The following DCUN1D2 variants were observed in gnomAD, a reference collection of about 807,000 sequenced individuals.
DCUN1D2 encodes the protein DCN1-like protein 2.
In DCUN1D2, 29 loss-of-function variants were observed where a neutral mutation model predicts 30.9. The observed-to-expected ratio is 0.94, with a 90% CI of 0.70 to 1.28. The LOEUF (loss-of-function observed/expected upper bound fraction) is 1.28, where lower values mean the gene tolerates loss of function less well. Among genes scored for constraint, DCUN1D2 ranks in the 50% most tolerant of loss-of-function variants. DCUN1D2 has a pLI of 0.00. For missense variants in DCUN1D2, 325 were observed against 316.9 expected (o/e 1.03, Z -0.19); for synonymous variants, 121 against 115.3 (o/e 1.05, Z -0.32).
At chr13:113,460,773 T>A (rs1595566097) in intron 5 of DCUN1D2, among the ~76,000 whole-genome samples, 1 of 152,132 alleles carries the variant, frequency 6.6e-6, no homozygotes, top group Admixed American at 6.5e-5. Flanking sequence ...GCTGCTGGGG[T>A]TGCAGAGTCT....
At chr13:113,483,555 G>A (rs1040608695) in intron 2 of DCUN1D2, among the ~76,000 whole-genome samples, 3 of 152,202 alleles carry the variant, frequency 2.0e-5, no homozygotes, top group African/African-American at 4.8e-5. Context: ...TCCCTGACAG[G>A]CTGTGCAGCG....
intron 4 of DCUN1D2, chr13:113,462,947 G>T (rs2044342965): frequency 2.7e-6 from 3 of 1,094,358 alleles, no homozygotes; most frequent in Non-Finnish European, 3.4e-6. Flanking sequence ...AGTTACTTTG[G>T]GTTAGTTTTG....
intron 4 of DCUN1D2, among the ~76,000 whole-genome samples, chr13:113,468,082 C>G (rs542518692): frequency 4.0e-5 from 6 of 148,958 alleles, no homozygotes; most frequent in East Asian, 4.0e-4. Context: ...AAAGCAGGGT[C>G]TAAAACAGAT....
At chr13:113,479,808 A>G (rs2044676613) in intron 3 of DCUN1D2, among the ~76,000 whole-genome samples, 1 of 152,206 alleles carries the variant, frequency 6.6e-6, no homozygotes. Context: ...ATAAGCCTTT[A>G]TATTATCAAG....
chr13:113,482,909 C>T (rs2044735300), intron 2 of DCUN1D2, among the ~76,000 whole-genome samples: 1 of 152,174 alleles, frequency 6.6e-6, no homozygotes, highest in Admixed American at 6.5e-5. Context: ...TACCACTGCA[C>T]TCCAGCCTGG....
chr13:113,458,189 A>G (rs2044257184), intron 6 of DCUN1D2, 81 bp from the exon 7 acceptor site: 2 of 1,187,800 alleles, frequency 1.7e-6, no homozygotes, highest in African/African-American at 1.5e-5. Context: ...TCAATCCAAC[A>G]TTTACACTTC....
chr13:113,487,631 T>C (rs1012839899), intron 1 of DCUN1D2, among the ~76,000 whole-genome samples: 3 of 152,170 alleles, frequency 2.0e-5, no homozygotes, highest in African/African-American at 4.8e-5. Context: ...ATTTCACTTA[T>C]ATGAAATATC....
chr13:113,462,852 TA>T (rs1489214844), intron 4 of DCUN1D2: 2 of 1,257,838 alleles, frequency 1.6e-6, no homozygotes, highest in African/African-American at 3.1e-5. Context: ...CAACTCATCT[TA>T]ATGATGTAAA....
At chr13:113,469,460 G>A (rs2044466034) in intron 4 of DCUN1D2, among the ~76,000 whole-genome samples, 1 of 151,710 alleles carries the variant, frequency 6.6e-6, no homozygotes, top group Non-Finnish European at 1.5e-5. Flanking sequence ...TGAGAGGACT[G>A]TGTGAGACCA....
At chr13:113,483,734 A>C in intron 2 of DCUN1D2, 106 bp downstream of exon 2, 1 of 1,117,056 alleles carries the variant, frequency 9.0e-7, no homozygotes, top group Non-Finnish European at 1.3e-6. Flanking sequence ...GAGGAGAAGC[A>C]ACGGCAGCCC....
intron 2 of DCUN1D2, among the ~76,000 whole-genome samples, chr13:113,481,654 C>A (rs537136990): frequency 6.6e-6 from 1 of 152,112 alleles, no homozygotes; most frequent in Non-Finnish European, 1.5e-5. Flanking sequence ...GAGGCCGAGG[C>A]GGGTGGATCA....
At chr13:113,459,960 C>T (rs971284027) in intron 5 of DCUN1D2, among the ~76,000 whole-genome samples, 2 of 152,164 alleles carry the variant, frequency 1.3e-5, no homozygotes, top group Non-Finnish European at 2.9e-5. Context: ...AGTATTCTGC[C>T]GTTACAATGA....
intron 3 of DCUN1D2, chr13:113,476,045 A>AT (rs1389368484): frequency 2.0e-5 from 3 of 152,208 alleles, no homozygotes; most frequent in Non-Finnish European, 4.4e-5. Flanking sequence ...TCCTGTGGGT[A>AT]TGCATGGCTC....
chr13:113,490,293 G>T lies in DCUN1D2; in HGVS notation c.3+374C>A. 1 of 197,978 alleles carries T rather than the reference G, an allele frequency of 5.1e-6. No individual in the cohort carries two copies. The highest frequency in any genetic ancestry group is 1.0e-5 in the Non-Finnish European group (1 of 98,060). 12.3% of individuals were successfully genotyped at this position (197,978 alleles called of 1,614,324 possible). On this transcript the variant is annotated intron_variant, in intron 1 of 6. Transcript: ENST00000478244. The surrounding 1 kb of genome is among the most constrained non-coding windows in gnomAD (Gnocchi z 5.2). The stretch of plus-strand genomic sequence containing the variant: ...AGCCTCAGCATCTGCACAGACGCCC[G>T]CAGGAGCAGCCGAGCCCTCGCCCGC...
rs2044224744 is a variant in DCUN1D2, at chr13:113,456,270, C to T, written c.*1759G>A. 2.0e-5 allele frequency: 8 copies of T among 398,648 alleles called. No homozygotes were observed. Among genetic ancestry groups the T allele is most frequent in the Non-Finnish European group, 3.5e-5 (8 of 226,194 alleles). The allele number at this position is 398,648 out of a possible 1,614,324, so 24.7% of individuals were successfully genotyped here. A position where few individuals can be genotyped will look rare whatever the true frequency, so the allele number is the denominator to read the frequency against. On this transcript the variant is annotated 3_prime_UTR_variant, in exon 7 of 7. Transcript: ENST00000478244. ...TGGACCAGCCAGAAGCCAGCGGGGG[C>T]CAGGCGGGGTCTGCAGGCTGCAGGT... is the stretch of plus-strand genomic sequence containing the variant.
rs1048009960 is a variant in DCUN1D2, at chr13:113,488,838, T to C, written c.3+1829A>G. ...CAAATTAAATTATTAAGGCCAGCTT[T>C]TAAAGTGTGTACATGGGGTGGGGGG... On this transcript the variant is annotated intron_variant, in intron 1 of 6. Transcript: ENST00000478244. The surrounding 1 kb of genome is among the most constrained non-coding windows in gnomAD (Gnocchi z 4.3). Among the ~76,000 whole-genome samples the C allele has an allele frequency of 6.6e-6, 1 of 152,238 alleles. No homozygotes were observed. The highest frequency in any genetic ancestry group is 1.5e-5 in the Non-Finnish European group (1 of 68,048).
At chr13:113,467,125 A>G (rs1346458897) in intron 4 of DCUN1D2, among the ~76,000 whole-genome samples, 3 of 151,672 alleles carry the variant, frequency 2.0e-5, no homozygotes, top group Non-Finnish European at 2.9e-5. Flanking sequence ...TGGATGTTAA[A>G]CCTCGTTTTT....
intron 4 of DCUN1D2, among the ~76,000 whole-genome samples, chr13:113,472,293 AAAAAAAAT>A (rs2044532877): frequency 6.6e-6 from 1 of 151,992 alleles, no homozygotes; most frequent in African/African-American, 2.4e-5. Flanking sequence ...GAACAAAAAT[AAAAAAAAT>A]AAAAAAATAA....
chr13:113,468,349 T>C (rs867237660), intron 4 of DCUN1D2, among the ~76,000 whole-genome samples: 142 of 151,522 alleles, frequency 9.4e-4, no homozygotes, highest in African/African-American at 2.6e-3. Context: ...AGACCAGAAG[T>C]AGAATGGGGG....
Sources: gnomAD v4.1 joint callset for allele counts (sites outside exome capture counted in the v4.1 genomes callset) on GRCh38, gnomAD v4.1.1 for gene constraint, Gnocchi (gnomAD v3.1) non-coding constraint, MANE v1.5 for transcripts, NCBI Gene and HGNC (gene_info 2026-07-23, HGNC 2026-07-21) for gene names.